LCORL: variants seen among roughly 807,000 people sequenced by gnomAD.
LCORL encodes the protein ligand dependent nuclear receptor corepressor like.
In LCORL, 41 loss-of-function variants were observed where a neutral mutation model predicts 141.8. The ratio of observed to expected loss-of-function variants is 0.29; its 90% confidence interval spans 0.23 to 0.38. The LOEUF (loss-of-function observed/expected upper bound fraction) is 0.38. Ranked by LOEUF, LCORL falls within the 10% of genes least tolerant of loss-of-function variation. LCORL has a pLI of 1.00. For synonymous variants in LCORL, 618 were observed against 694.1 expected, an observed-to-expected ratio of 0.89 and a Z score of 1.72; for missense variants, 1,759 against 2,035.0, an observed-to-expected ratio of 0.86 and a Z score of 2.61.
Position 17,884,531 on chromosome 4 carries a change from C to T in LCORL, c.776+1537G>A. ...TTCTTTACTGTCCTTATATGAATAA[C>T]TATCATGGAAATCTCGAGTTTTGTT... On this transcript the variant is annotated intron_variant, in intron 6 of 7. Coordinates refer to ENST00000635767, the Ensembl canonical transcript of LCORL. The surrounding 1 kb of genome is among the most constrained non-coding windows in gnomAD (Gnocchi z 4.4). The T allele has an allele frequency of 6.5e-7, 1 of 1,536,632 alleles. No individual in the cohort carries two copies. Among genetic ancestry groups the T allele is most frequent in the Non-Finnish European group, 8.8e-7 (1 of 1,142,248 alleles).
chr4:18,015,662 C>G (rs925895544), intron 1 of LCORL, among the ~76,000 whole-genome samples: 4 of 151,608 alleles, frequency 2.6e-5, no homozygotes, highest in Admixed American at 6.6e-5. Flanking sequence ...CCATACCAGT[C>G]CCATCAATCC....
intron 1 of LCORL, among the ~76,000 whole-genome samples, chr4:17,985,084 A>AT (rs564671846): frequency 3.0e-4 from 46 of 151,888 alleles, no homozygotes; most frequent in African/African-American, 9.9e-4. Flanking sequence ...GTTTTGAGTG[A>AT]TTTTTTTTGT....
At chr4:17,883,303 T>C in intron 6 of LCORL, 12 of 993,030 alleles carry the variant, frequency 1.2e-5, no homozygotes, top group Non-Finnish European at 1.4e-5. Context: ...AGAATGTTTA[T>C]AAACTATGAA....
intron 7 of LCORL, among the ~76,000 whole-genome samples, chr4:17,860,957 C>T (rs938463107): frequency 2.6e-5 from 4 of 152,200 alleles, no homozygotes; most frequent in African/African-American, 4.8e-5. Context: ...GGCAGCTCCA[C>T]CCCTGTAGCT....
At chr4:18,014,001 T>C (rs1285293291) in intron 1 of LCORL, among the ~76,000 whole-genome samples, 2 of 151,856 alleles carry the variant, frequency 1.3e-5, no homozygotes, top group Non-Finnish European at 2.9e-5. Flanking sequence ...AGAGATGGGG[T>C]TGTGTCATCT....
intron 7 of LCORL, among the ~76,000 whole-genome samples, chr4:17,853,049 A>ATTT (rs67695626): frequency 4.8e-5 from 6 of 125,168 alleles, no homozygotes; most frequent in African/African-American, 8.7e-5. Flanking sequence ...TAAAAGCTTG[A>ATTT]TTTTTTTTTT....
At chr4:17,967,173 A>G (rs1208417479) in intron 2 of LCORL, among the ~76,000 whole-genome samples, 1 of 152,204 alleles carries the variant, frequency 6.6e-6, no homozygotes, top group Non-Finnish European at 1.5e-5. Flanking sequence ...TACATACTGT[A>G]TGATTCCAAC....
In LCORL at chr4:18,008,835, C is replaced by A. The variant is rs149272255; in HGVS notation, c.154+12763G>T. 3.1e-3 allele frequency among the ~76,000 whole-genome samples: 476 copies of A among 152,172 alleles called. 4 individuals are homozygous for A. Among genetic ancestry groups the A allele is most frequent in the African/African-American group, 0.011 (445 of 41,520 alleles). On this transcript the variant is annotated intron_variant, in intron 1 of 7. Coordinates refer to ENST00000635767, the Ensembl canonical transcript of LCORL. ...AAAGTGATTAATTCACAAGAACATACGTAGACTAATGACACTGTTTTTAAA... is the reference window on the plus strand; with the variant it reads ...AAAGTGATTAATTCACAAGAACATAAGTAGACTAATGACACTGTTTTTAAA...
chr4:18,006,192 C>T (rs1158591649), intron 1 of LCORL, among the ~76,000 whole-genome samples: 1 of 152,134 alleles, frequency 6.6e-6, no homozygotes, highest in Admixed American at 6.5e-5. Flanking sequence ...GGGCAAAATG[C>T]TACCAGTCTG....
intron 1 of LCORL, among the ~76,000 whole-genome samples, chr4:17,991,127 G>T (rs1719945197): frequency 1.3e-5 from 2 of 152,056 alleles, no homozygotes; most frequent in South Asian, 4.2e-4. Flanking sequence ...AATAAAAGAT[G>T]AATAAAAGAA....
At chr4:17,845,623 C>A in exon 8 of LCORL, 2 of 761,388 alleles carry the variant, frequency 2.6e-6, no homozygotes, top group South Asian at 2.8e-5. Context: ...AAAGACAAAT[C>A]ACAGGACTAG....
intron 1 of LCORL, among the ~76,000 whole-genome samples, chr4:17,984,849 G>A (rs963354303): frequency 1.4e-4 from 21 of 151,972 alleles, no homozygotes; most frequent in Admixed American, 3.3e-4. Flanking sequence ...TACTTGTGAC[G>A]TTAGGCTGTT....
Position 17,874,876 on chromosome 4 carries a change from TCTGA to T in LCORL, c.4110_4113del (p.Ser1370ArgfsTer10), listed in dbSNP as rs1726748918. 5.7e-6 allele frequency: 7 copies of T among 1,233,822 alleles called. No individual in the cohort carries two copies. Among genetic ancestry groups the T allele is most frequent in the African/African-American group, 1.5e-5 (1 of 64,588 alleles). The allele number at this position is 1,233,822 out of a possible 1,614,324, so 76.4% of individuals were successfully genotyped here. A position where few individuals can be genotyped will look rare whatever the true frequency, so the allele number is the denominator to read the frequency against. ...ATCTTTGAGTGCCTATGTTTTTCCT[TCTGA>T]CTTTTATTTTTCTGCAAATGCAGTT... On this transcript the variant is annotated frameshift_variant, in exon 7 of 8. Transcript: ENST00000635767. LOFTEE classifies it high-confidence loss of function.
At chr4:17,847,067 C>T (rs1723021660) in intron 7 of LCORL, among the ~76,000 whole-genome samples, 1 of 152,208 alleles carries the variant, frequency 6.6e-6, no homozygotes, top group Non-Finnish European at 1.5e-5. Context: ...GAATCACAGA[C>T]ACGTGACAGT....
At chr4:17,935,063 T>C (rs1736633793) in intron 4 of LCORL, among the ~76,000 whole-genome samples, 1 of 152,126 alleles carries the variant, frequency 6.6e-6, no homozygotes, top group Admixed American at 6.6e-5. Context: ...AGTGATATTA[T>C]ACAGATGCCT....
chr4:18,002,222 C>T (rs1187266959), intron 1 of LCORL, among the ~76,000 whole-genome samples: 1 of 152,078 alleles, frequency 6.6e-6, no homozygotes, highest in Non-Finnish European at 1.5e-5. Context: ...AACAATGAAC[C>T]ACTGTTCAGC....
intron 1 of LCORL, among the ~76,000 whole-genome samples, chr4:17,987,047 T>C (rs1719100367): frequency 6.6e-6 from 1 of 152,186 alleles, no homozygotes; most frequent in South Asian, 2.1e-4. Flanking sequence ...CGAGTGTGCA[T>C]TTGGTTTTCA....
chr4:17,880,642 A>T, intron 6 of LCORL: 7 of 983,534 alleles, frequency 7.1e-6, no homozygotes, highest in Non-Finnish European at 8.4e-6. Flanking sequence ...GAATGAGTAA[A>T]TCAATCACAC....
At chr4:17,970,985 GA>G (rs1231785238) in intron 2 of LCORL, among the ~76,000 whole-genome samples, 5 of 152,044 alleles carry the variant, frequency 3.3e-5, no homozygotes, top group African/African-American at 1.2e-4. Flanking sequence ...AAAATGACTG[GA>G]AAAACTAATT....
Sources: gnomAD v4.1 joint callset for allele counts (sites outside exome capture counted in the v4.1 genomes callset) on GRCh38, gnomAD v4.1.1 for gene constraint, Gnocchi (gnomAD v3.1) non-coding constraint, MANE v1.5 for transcripts, NCBI Gene and HGNC (gene_info 2026-07-23, HGNC 2026-07-21) for gene names.